The following LAMB4 variants were observed in gnomAD, a reference collection of about 807,000 sequenced individuals.
The protein encoded by LAMB4 is laminin subunit beta-4.
In LAMB4, 196 loss-of-function variants were observed where a neutral mutation model predicts 199.2. That is an observed-to-expected ratio of 0.98 (90% CI 0.88 to 1.11). LAMB4 has a LOEUF of 1.11. Ranked by LOEUF, LAMB4 falls within the 50% of genes least tolerant of loss-of-function variation. The pLI, the probability that LAMB4 is intolerant of heterozygous loss-of-function variation, is 0.00. For missense variants in LAMB4, 2,080 were observed against 2,171.2 expected (o/e 0.96, Z 0.83); for synonymous variants, 744 against 770.6 (o/e 0.97, Z 0.57).
At chr7:108,049,698 C>G (rs1003154924) in intron 26 of LAMB4, among the ~76,000 whole-genome samples, 167 bp from the exon 27 acceptor site, 3 of 152,118 alleles carry the variant, frequency 2.0e-5, no homozygotes, top group Admixed American at 6.5e-5. Flanking sequence ...GAAGGATTAG[C>G]TATAGTATAA....
intron 1 of LAMB4, among the ~76,000 whole-genome samples, chr7:108,126,726 G>T (rs528094116): frequency 6.7e-6 from 1 of 148,280 alleles, no homozygotes; most frequent in Non-Finnish European, 1.5e-5. Flanking sequence ...CACCGCGCCC[G>T]ACTAATTTTT....
chr7:108,101,930 A>G (rs1405073962), intron 10 of LAMB4, among the ~76,000 whole-genome samples: 2 of 152,256 alleles, frequency 1.3e-5, no homozygotes, highest in African/African-American at 4.8e-5. Flanking sequence ...AAACAAAGAT[A>G]GCAAAAATTG....
intron 14 of LAMB4, among the ~76,000 whole-genome samples, chr7:108,080,367 C>T (rs1358227266): frequency 1.3e-5 from 2 of 152,140 alleles, no homozygotes; most frequent in Non-Finnish European, 2.9e-5. Flanking sequence ...TAGATAAAAC[C>T]TCTTTAATTA....
At chr7:108,092,158 T>C (rs1373112082) in intron 13 of LAMB4, among the ~76,000 whole-genome samples, 179 bp downstream of exon 13, 1 of 152,142 alleles carries the variant, frequency 6.6e-6, no homozygotes, top group Non-Finnish European at 1.5e-5. Flanking sequence ...AGCAGAAGGA[T>C]TGTTTACCTC....
intron 23 of LAMB4, among the ~76,000 whole-genome samples, chr7:108,060,060 T>C (rs947605161): frequency 1.3e-5 from 2 of 152,226 alleles, no homozygotes; most frequent in Non-Finnish European, 2.9e-5. Flanking sequence ...GAGACATCTA[T>C]CAGTAGTTGT....
intron 28 of LAMB4, among the ~76,000 whole-genome samples, chr7:108,046,076 G>A (rs1013405736): frequency 1.1e-4 from 16 of 151,288 alleles, no homozygotes; most frequent in African/African-American, 3.9e-4. Context: ...TTTGTTTTTG[G>A]TTTTGTTTTA....
intron 33 of LAMB4, among the ~76,000 whole-genome samples, chr7:108,028,168 T>C (rs1308996757): frequency 6.6e-6 from 1 of 152,206 alleles, no homozygotes; most frequent in East Asian, 1.9e-4. Context: ...TCTTTCTGGG[T>C]TGCTATCCAA....
Position 108,116,085 on chromosome 7 carries a change from C to G in LAMB4, c.111G>C (p.Val37=). ...ACHPTTGDLL[V]GRNTQLMASS... Reference sequence around the variant, plus strand: ...AAGCCATAAGCTGCGTGTTCCTGCCCACCAGGAGATCACCAGTGGTGGGAT... The same window carrying G: ...AAGCCATAAGCTGCGTGTTCCTGCCGACCAGGAGATCACCAGTGGTGGGAT... The change falls in exon 3 of 34, where the codon GTG becomes GTC. Residue 37 remains valine, a synonymous_variant. Coordinates refer to ENST00000388781, the MANE Select transcript of LAMB4 (RefSeq NM_007356.3). 1 of 1,614,082 alleles carries G rather than the reference C, an allele frequency of 6.2e-7. No homozygotes were observed. The highest frequency in any genetic ancestry group is 8.5e-7 in the Non-Finnish European group (1 of 1,179,948).
At chr7:108,072,870 A>G (rs7801775) in intron 17 of LAMB4, among the ~76,000 whole-genome samples, 24,320 of 152,200 alleles carry the variant, frequency 0.16, 3,302 homozygotes, top group African/African-American at 0.37. Context: ...GAGAGATGAA[A>G]AAGAAAGCCA....
intron 17 of LAMB4, among the ~76,000 whole-genome samples, chr7:108,076,542 T>C (rs2036710174): frequency 6.6e-6 from 1 of 152,204 alleles, no homozygotes; most frequent in Non-Finnish European, 1.5e-5. Flanking sequence ...TAATGATTAA[T>C]GTGGTTGGAT....
intron 2 of LAMB4, among the ~76,000 whole-genome samples, chr7:108,121,341 A>G (rs577335178): frequency 6.6e-6 from 1 of 152,356 alleles, no homozygotes; most frequent in South Asian, 2.1e-4. Context: ...GCATGTTGTC[A>G]TAATTTTCTC....
chr7:108,048,666 A>G (rs1429438396), intron 27 of LAMB4, among the ~76,000 whole-genome samples: 1 of 152,088 alleles, frequency 6.6e-6, no homozygotes, highest in East Asian at 1.9e-4. Flanking sequence ...ACTTTTAGGA[A>G]TTACATGTGA....
In LAMB4 at chr7:108,055,992, C is replaced by A. The variant is rs772375642; in HGVS notation, c.3395G>T (p.Arg1132Met). 1 of 1,607,240 alleles carries A rather than the reference C, an allele frequency of 6.2e-7. No individual in the cohort carries two copies. Among genetic ancestry groups the A allele is most frequent in the Non-Finnish European group, 8.5e-7 (1 of 1,175,918 alleles). The change falls in exon 25 of 34, where the codon AGG becomes ATG. Residue 1132 changes from arginine to methionine, a missense_variant. Transcript: ENST00000388781. ...PGRCIPCDCN[R>M]AGTQKPICDP... ...ACAGATGGGCTTCTGGGTACCTGCC[C>A]TGTTACAATCACATGCTAAAAAGGA... is the stretch of plus-strand genomic sequence containing the variant.
chr7:108,043,151 A>G (rs1475749096), intron 29 of LAMB4, among the ~76,000 whole-genome samples: 2 of 152,104 alleles, frequency 1.3e-5, no homozygotes, highest in African/African-American at 4.8e-5. Context: ...AGACTTGGAA[A>G]ATAGTCAATA....
At chr7:108,024,253 C>G in intron 33 of LAMB4, 75 bp from the exon 34 acceptor site, 2 of 796,100 alleles carry the variant, frequency 2.5e-6, no homozygotes, top group Non-Finnish European at 3.7e-6. Context: ...TTATACCAAA[C>G]ACAGGGATTT....
chr7:108,070,267 C>T (rs1028471721), intron 17 of LAMB4, among the ~76,000 whole-genome samples: 2 of 152,190 alleles, frequency 1.3e-5, no homozygotes, highest in Admixed American at 6.5e-5. Flanking sequence ...TGTGCAGATA[C>T]ATCTCCTCTA....
At position 108,076,947 on chromosome 7, in the gene LAMB4, GT is replaced by G. The variant is rs1325524641; in HGVS notation, c.2120del (p.Asp707AlafsTer21). The G allele has an allele frequency of 1.2e-6, 2 of 1,613,994 alleles. No individual in the cohort carries two copies. On this transcript the variant is annotated frameshift_variant, in exon 17 of 34. Transcript: ENST00000388781. LOFTEE classifies it high-confidence loss of function. ...ESHAHSHVLV[D>X]SLGLIPQINS... ...CACAAAACTCTGTGATACTTACAGA[GT>G]CCACCAGGACATGTGAATGAGCGTG...
chr7:108,104,935 T>G (rs896697758), intron 8 of LAMB4, among the ~76,000 whole-genome samples: 2 of 150,844 alleles, frequency 1.3e-5, no homozygotes, highest in Non-Finnish European at 2.9e-5. Flanking sequence ...TTGTGGGGAG[T>G]TGGGGGGGAG....
chr7:108,087,153 G>T (rs2037213012), intron 14 of LAMB4, among the ~76,000 whole-genome samples: 1 of 152,112 alleles, frequency 6.6e-6, no homozygotes, highest in African/African-American at 2.4e-5. Flanking sequence ...TTCTCAGCTG[G>T]GGTATTTCTC....
Sources: gnomAD v4.1 joint callset for allele counts (sites outside exome capture counted in the v4.1 genomes callset) on GRCh38, gnomAD v4.1.1 for gene constraint, MANE v1.5 for transcripts, NCBI Gene and HGNC (gene_info 2026-07-23, HGNC 2026-07-21) for gene names.